Variants in TYW1B observed in about 807,000 individuals in gnomAD.
TYW1B encodes tRNA-yW synthesizing protein 1 homolog B, also known as S-adenosyl-L-methionine-dependent tRNA 4-demethylwyosine synthase TYW1B.
Under a neutral mutation model 86.9 loss-of-function variants are expected in TYW1B, and 73 were observed. That is an observed-to-expected ratio of 0.84 (90% CI 0.70 to 1.02). TYW1B has a LOEUF of 1.02. TYW1B is among the 50% of genes least tolerant of loss of function. The probability of loss-of-function intolerance (pLI) is 0.00; values close to 1 mark genes in which losing one functional copy is unlikely to be tolerated. For synonymous variants in TYW1B, 248 were observed against 292.8 expected, an observed-to-expected ratio of 0.85 and a Z score of 1.56; for missense variants, 637 against 827.4, an observed-to-expected ratio of 0.77 and a Z score of 2.82.
intron 7 of TYW1B, among the ~76,000 whole-genome samples, chr7:72,746,601 G>A (rs751925048): frequency 1.3e-5 from 2 of 152,140 alleles, no homozygotes; most frequent in Non-Finnish European, 2.9e-5. Flanking sequence ...GCTCTTTAAT[G>A]AGGTATTTAA....
intron 6 of TYW1B, among the ~76,000 whole-genome samples, chr7:72,802,075 G>A (rs1421824549): frequency 6.6e-6 from 1 of 150,804 alleles, no homozygotes; most frequent in African/African-American, 2.4e-5. Flanking sequence ...GCTATCATTA[G>A]TGTATTTTAT....
chr7:72,822,687 C>T lies in TYW1B; in HGVS notation c.135+4168G>A, dbSNP rs144173306. 6.6e-3 allele frequency among the ~76,000 whole-genome samples: 1,001 copies of T among 152,290 alleles called. 10 individuals carry two copies. Among genetic ancestry groups the T allele is most frequent in the African/African-American group, 0.021 (867 of 41,540 alleles). On this transcript the variant is annotated intron_variant, in intron 2 of 13. Transcript: ENST00000620995. Reference sequence around the variant, plus strand: ...ATGGGCTGGGCACAGTGGCTCACACCTGTAATCCTATCCTGTAATCCTAGC... The same window carrying T: ...ATGGGCTGGGCACAGTGGCTCACACTTGTAATCCTATCCTGTAATCCTAGC...
intron 6 of TYW1B, among the ~76,000 whole-genome samples, chr7:72,786,637 G>T (rs1459137895): frequency 1.4e-5 from 2 of 147,342 alleles, no homozygotes; most frequent in African/African-American, 5.0e-5. Flanking sequence ...GTGCAGTGGC[G>T]TGATCTCGGC....
chr7:72,696,786 A>T (rs1814330246), intron 10 of TYW1B, among the ~76,000 whole-genome samples: 1 of 152,188 alleles, frequency 6.6e-6, no homozygotes. Context: ...AGAGGCTCTG[A>T]CCAAATGTAG....
Position 72,575,215 on chromosome 7 carries a change from A to C in TYW1B, c.*283T>G, listed in dbSNP as rs552576314. The C allele has an allele frequency of 3.8e-5, 47 of 1,235,294 alleles. No homozygotes were observed. In the Admixed American group the frequency reaches 5.8e-4, roughly 15 times the overall value. 76.5% of individuals were successfully genotyped at this position (1,235,294 alleles called of 1,614,324 possible). ...TTAGAAGTTATAATACAAAACCATC[A>C]GTTAAATTCTAATCACGACTGTGTA... On this transcript the variant is annotated 3_prime_UTR_variant, in exon 14 of 14. Coordinates refer to ENST00000620995, the MANE Select transcript of TYW1B (RefSeq NM_001145440.3).
chr7:72,791,433 G>A (rs1320006519), intron 6 of TYW1B, among the ~76,000 whole-genome samples: 2 of 139,812 alleles, frequency 1.4e-5, no homozygotes, highest in Admixed American at 1.4e-4. Flanking sequence ...AAAAAAAAAG[G>A]AAATATCAAA....
At chr7:72,585,505 A>C (rs73372803) in intron 13 of TYW1B, among the ~76,000 whole-genome samples, 6,255 of 152,270 alleles carry the variant, frequency 0.041, 411 homozygotes, top group African/African-American at 0.14. Flanking sequence ...TGCTTGATAC[A>C]GTTTGGCTGT....
chr7:72,612,231 G>A (rs1238814034), intron 13 of TYW1B, among the ~76,000 whole-genome samples: 2 of 152,132 alleles, frequency 1.3e-5, no homozygotes, highest in African/African-American at 2.4e-5. Context: ...GAGAGGAACA[G>A]GGAGTCTAGA....
At chr7:72,718,546 A>C (rs1554456696) in intron 9 of TYW1B, among the ~76,000 whole-genome samples, 1 of 151,998 alleles carries the variant, frequency 6.6e-6, no homozygotes, top group African/African-American at 2.4e-5. Context: ...AGAACAATCT[A>C]AGCATGACAG....
intron 13 of TYW1B, among the ~76,000 whole-genome samples, chr7:72,595,678 A>AT (rs1811515271): frequency 2.0e-5 from 3 of 152,160 alleles, no homozygotes; most frequent in Non-Finnish European, 4.4e-5. Flanking sequence ...GCGAGACTCC[A>AT]TCTCAAAAAA....
intron 11 of TYW1B, among the ~76,000 whole-genome samples, chr7:72,642,391 C>G (rs2129569042): frequency 6.6e-6 from 1 of 152,256 alleles, no homozygotes; most frequent in African/African-American, 2.4e-5. Flanking sequence ...TTGGCAGCTC[C>G]TGAAAAAGTT....
intron 13 of TYW1B, among the ~76,000 whole-genome samples, chr7:72,595,784 C>T (rs1286775579): frequency 1.3e-5 from 2 of 151,964 alleles, no homozygotes; most frequent in African/African-American, 4.8e-5. Context: ...AGATGGAAGA[C>T]TTGTACAATG....
chr7:72,758,084 G>A (rs1475996516), intron 7 of TYW1B, among the ~76,000 whole-genome samples: 1 of 152,150 alleles, frequency 6.6e-6, no homozygotes, highest in African/African-American at 2.4e-5. Flanking sequence ...GCCAGTCGTG[G>A]TGGCGTGCGC....
In TYW1B at chr7:72,747,210, G is replaced by A. The variant is rs532203233; in HGVS notation, c.965-2609C>T. Among the ~76,000 whole-genome samples, 16 of 152,226 alleles carry A rather than the reference G, an allele frequency of 1.1e-4. No individual in the cohort carries two copies. In the East Asian group the frequency reaches 1.9e-3, roughly 18 times the overall value. ...GGGGAGGAACTGAATCACAGGTGCC[G>A]GTCTTTCCTGTACTATTCTTGTGAT... On this transcript the variant is annotated intron_variant, in intron 7 of 13. Coordinates refer to ENST00000620995, the MANE Select transcript of TYW1B (RefSeq NM_001145440.3).
intron 13 of TYW1B, among the ~76,000 whole-genome samples, chr7:72,596,179 C>CAAAAAAAAAAAAA (rs58325295): frequency 3.5e-5 from 2 of 56,378 alleles, no homozygotes; most frequent in Non-Finnish European, 6.6e-5. Context: ...AACTCTGTCT[C>CAAAAAAAAAAAAA]AAAAAAAAAA....
At chr7:72,753,634 C>T (rs1285162364) in intron 7 of TYW1B, among the ~76,000 whole-genome samples, 10 of 152,086 alleles carry the variant, frequency 6.6e-5, no homozygotes, top group African/African-American at 2.4e-4. Flanking sequence ...GTGTGTGCCA[C>T]CACGCCTGGC....
intron 11 of TYW1B, among the ~76,000 whole-genome samples, chr7:72,672,473 AACACACAC>A (rs57744814): frequency 2.5e-4 from 35 of 140,884 alleles, no homozygotes; most frequent in East Asian, 1.3e-3. Context: ...TACACACACA[AACACACAC>A]ACACACACAC....
chr7:72,720,978 T>A (rs1287068087), intron 9 of TYW1B, among the ~76,000 whole-genome samples: 26 of 144,416 alleles, frequency 1.8e-4, no homozygotes, highest in African/African-American at 6.3e-4. Flanking sequence ...AATTCCCACC[T>A]ATGAGTGAGA....
At chr7:72,661,610 C>A (rs1813332368) in intron 11 of TYW1B, among the ~76,000 whole-genome samples, 1 of 146,652 alleles carries the variant, frequency 6.8e-6, no homozygotes, top group African/African-American at 2.5e-5. Flanking sequence ...ACATTATTTC[C>A]TTGGTCCTTT....
Sources: allele counts gnomAD v4.1 joint callset (sites outside exome capture counted in the v4.1 genomes callset), GRCh38; gene constraint gnomAD v4.1.1; transcripts MANE v1.5; gene names NCBI Gene and HGNC (gene_info 2026-07-23, HGNC 2026-07-21).